Variants in RBFOX1 observed in about 807,000 individuals in gnomAD.
RBFOX1 encodes RNA binding fox-1 homolog 1.
In RBFOX1, 8 loss-of-function variants were observed where a neutral mutation model predicts 57.7. The ratio of observed to expected loss-of-function variants is 0.14; its 90% CI spans 0.08 to 0.25. The LOEUF (loss-of-function observed/expected upper bound fraction) is 0.25, where lower values mean the gene tolerates loss of function less well. Ranked by LOEUF, RBFOX1 falls within the 10% of genes least tolerant of loss-of-function variation. The pLI is 1.00. For synonymous variants in RBFOX1, 326 were observed against 222.4 expected (o/e 1.47, Z -4.15); for missense variants, 611 against 548.5 (o/e 1.11, Z -1.14).
intron 3 of RBFOX1, among the ~76,000 whole-genome samples, chr16:5,629,498 A>T (rs1253641548): frequency 6.6e-6 from 1 of 152,232 alleles, no homozygotes; most frequent in Non-Finnish European, 1.5e-5. Context: ...AGAGGGCTTC[A>T]TGGACCATTT....
At chr16:6,982,894 G>A (rs1363309494) in intron 3 of RBFOX1, among the ~76,000 whole-genome samples, 2 of 150,860 alleles carry the variant, frequency 1.3e-5, no homozygotes, top group Non-Finnish European at 2.9e-5. Flanking sequence ...TTGGGAGGCT[G>A]AGGCAGGGAG....
At chr16:6,911,903 C>T (rs572653138) in intron 3 of RBFOX1, among the ~76,000 whole-genome samples, 1 of 152,092 alleles carries the variant, frequency 6.6e-6, no homozygotes, top group South Asian at 2.1e-4. Flanking sequence ...TCAGATGTGG[C>T]CAAATATAGA....
chr16:5,710,914 T>C (rs2051464173), intron 3 of RBFOX1, among the ~76,000 whole-genome samples: 1 of 152,190 alleles, frequency 6.6e-6, no homozygotes, highest in Non-Finnish European at 1.5e-5. Flanking sequence ...AGGAAAACAT[T>C]AGCTTATGCT....
At chr16:6,014,062 C>T (rs778120497), upstream of RBFOX1, among the ~76,000 whole-genome samples, 6 of 151,684 alleles carry the variant, frequency 4.0e-5, no homozygotes, top group Admixed American at 6.6e-5. Context: ...TGTATGCATA[C>T]GTAACAAACC....
At chr16:7,640,239 A>G (rs2062541905) in intron 11 of RBFOX1, among the ~76,000 whole-genome samples, 1 of 152,228 alleles carries the variant, frequency 6.6e-6, no homozygotes. Flanking sequence ...AATTCCAAGA[A>G]AGAATTAAAA....
chr16:5,862,672 C>T (rs2057251562), intron 3 of RBFOX1, among the ~76,000 whole-genome samples: 1 of 152,156 alleles, frequency 6.6e-6, no homozygotes, highest in African/African-American at 2.4e-5. Flanking sequence ...CTCTTTGATC[C>T]TTATCTGGAT....
intron 8 of RBFOX1, 38 bp from the exon 9 acceptor site, chr16:7,597,333 C>G: frequency 6.6e-7 from 1 of 1,510,814 alleles, no homozygotes; most frequent in Non-Finnish European, 9.1e-7. Flanking sequence ...GGAGCTGGCC[C>G]TAGAATATGT....
At chr16:6,934,534 C>G (rs1030798535) in intron 3 of RBFOX1, among the ~76,000 whole-genome samples, 1 of 151,934 alleles carries the variant, frequency 6.6e-6, no homozygotes, top group Non-Finnish European at 1.5e-5. Flanking sequence ...CAGTGGAGTA[C>G]TATTTGGACA....
At chr16:5,872,880 T>C (rs1239838120) in intron 4 of RBFOX1, among the ~76,000 whole-genome samples, 5 of 152,182 alleles carry the variant, frequency 3.3e-5, no homozygotes, top group Non-Finnish European at 7.3e-5. Context: ...AATTAGGGTG[T>C]GGTGGCTCAT....
At chr16:5,350,247 T>C (rs1206852345) in intron 1 of RBFOX1, among the ~76,000 whole-genome samples, 1 of 152,202 alleles carries the variant, frequency 6.6e-6, no homozygotes, top group Non-Finnish European at 1.5e-5. Flanking sequence ...TCAGATGGAC[T>C]CTGAAGTCTT....
intron 4 of RBFOX1, among the ~76,000 whole-genome samples, chr16:7,141,629 A>G (rs967854876): frequency 6.6e-6 from 1 of 152,178 alleles, no homozygotes; most frequent in Non-Finnish European, 1.5e-5. Flanking sequence ...TATTAATGCC[A>G]TTTGTAGTTT....
chr16:5,382,075 C>T (rs1468778752), intron 1 of RBFOX1, among the ~76,000 whole-genome samples: 1 of 152,218 alleles, frequency 6.6e-6, no homozygotes, highest in Non-Finnish European at 1.5e-5. Context: ...CAAAATCACC[C>T]CCCTGGTTGG....
At chr16:6,654,390 C>T (rs973872910) in intron 2 of RBFOX1, among the ~76,000 whole-genome samples, 1 of 152,194 alleles carries the variant, frequency 6.6e-6, no homozygotes, top group Admixed American at 6.5e-5. Flanking sequence ...TGTAATAAAA[C>T]TTACTTATGA....
intron 4 of RBFOX1, among the ~76,000 whole-genome samples, chr16:7,161,837 G>C (rs1431009208): frequency 1.3e-5 from 2 of 152,230 alleles, no homozygotes; most frequent in South Asian, 2.1e-4. Context: ...CCTAAAGTGA[G>C]AAGACAGAAC....
intron 2 of RBFOX1, among the ~76,000 whole-genome samples, chr16:5,523,025 C>T (rs1440067235): frequency 6.6e-6 from 1 of 152,120 alleles, no homozygotes; most frequent in Non-Finnish European, 1.5e-5. Flanking sequence ...TTGTTACTCA[C>T]ACCTGTAATA....
intron 2 of RBFOX1, among the ~76,000 whole-genome samples, chr16:5,533,371 G>A (rs531153401): frequency 2.6e-5 from 4 of 152,228 alleles, no homozygotes; most frequent in South Asian, 2.1e-4. Flanking sequence ...TATTCCTGAC[G>A]GCAGAGATAA....
chr16:7,241,561 G>T (rs866327096), intron 4 of RBFOX1, among the ~76,000 whole-genome samples: 162 of 152,178 alleles, frequency 1.1e-3, no homozygotes, highest in Middle Eastern at 6.8e-3. Context: ...TATGAATTTT[G>T]TTTGGGTTGG....
chr16:7,259,342 T>A (rs563846197), intron 4 of RBFOX1, among the ~76,000 whole-genome samples: 104 of 152,238 alleles, frequency 6.8e-4, no homozygotes, highest in Non-Finnish European at 9.9e-4. Context: ...AAATTATCTT[T>A]AACCAAAAGC....
chr16:7,238,386 C>G (rs1213917442), intron 4 of RBFOX1, among the ~76,000 whole-genome samples: 1 of 152,090 alleles, frequency 6.6e-6, no homozygotes, highest in African/African-American at 2.4e-5. Flanking sequence ...CTGCTTTCTG[C>G]ACATCTGCCA....
Sources: gnomAD v4.1 joint callset for allele counts (sites outside exome capture counted in the v4.1 genomes callset) on GRCh38, gnomAD v4.1.1 for gene constraint, MANE v1.5 for transcripts, NCBI Gene and HGNC (gene_info 2026-07-23, HGNC 2026-07-21) for gene names.